Variants in DLGAP1 observed in about 807,000 individuals in gnomAD.
The protein encoded by DLGAP1 is disks large-associated protein 1.
Under a neutral mutation model 90.8 loss-of-function variants are expected in DLGAP1, and 11 were observed. The observed-to-expected ratio is 0.12, with a 90% CI of 0.08 to 0.20. The LOEUF (loss-of-function observed/expected upper bound fraction) is 0.20, where lower values mean the gene tolerates loss of function less well. DLGAP1 is among the 10% of genes least tolerant of loss of function. The probability of loss-of-function intolerance (pLI) is 1.00; values close to 1 mark genes in which losing one functional copy is unlikely to be tolerated. For synonymous variants in DLGAP1, 558 were observed against 540.7 expected (o/e 1.03, Z -0.44); for missense variants, 1,050 against 1,333.8 (o/e 0.79, Z 3.31).
At position 4,089,636 on chromosome 18, in the gene DLGAP1, A is replaced by G. The variant is rs1178374903; in HGVS notation, c.-159+61544T>C. Among the ~76,000 whole-genome samples, 4 of 152,218 alleles carry G rather than the reference A, an allele frequency of 2.6e-5. No homozygotes were observed. In the East Asian group the frequency reaches 5.8e-4, roughly 22 times the overall value. ...CAATGGAACAGAAATAATACCACAC[A>G]TTTACAAACGTCTGATCTTCAACAA... On this transcript the variant is annotated intron_variant, in intron 2 of 12. Transcript: ENST00000315677.
At chr18:3,865,214 TA>T (rs1268038609) in intron 4 of DLGAP1, among the ~76,000 whole-genome samples, 1 of 152,148 alleles carries the variant, frequency 6.6e-6, no homozygotes, top group Admixed American at 6.5e-5. Flanking sequence ...CAAAGAATAT[TA>T]AATGGGCAGA....
intron 1 of DLGAP1, among the ~76,000 whole-genome samples, chr18:4,287,496 T>C (rs913756932): frequency 1.3e-5 from 2 of 152,128 alleles, no homozygotes; most frequent in African/African-American, 2.4e-5. Flanking sequence ...ACATACACCA[T>C]GGAATACTAT....
Position 3,647,537 on chromosome 18 carries a change from C to T in DLGAP1, c.1592-65289G>A, listed in dbSNP as rs371717267. On this transcript the variant is annotated intron_variant, in intron 7 of 12. Coordinates refer to ENST00000315677, the MANE Select transcript of DLGAP1 (RefSeq NM_004746.4). The stretch of plus-strand genomic sequence containing the variant: ...CTGAAGTGTAATGGCACGATCTTGG[C>T]TCACTGCAACCTCCGCTTCTGGGGT... Among the ~76,000 whole-genome samples the T allele has an allele frequency of 2.6e-5, 4 of 151,298 alleles. No homozygotes were observed. The East Asian group carries it at 5.8e-4, about 22-fold the overall frequency.
chr18:3,638,972 A>T (rs973987686), intron 7 of DLGAP1, among the ~76,000 whole-genome samples: 4 of 152,252 alleles, frequency 2.6e-5, no homozygotes, highest in African/African-American at 9.6e-5. Flanking sequence ...ATCTAACCAC[A>T]CTTAGTGATA....
chr18:3,991,425 A>G (rs187324689), intron 3 of DLGAP1, among the ~76,000 whole-genome samples: 8 of 152,320 alleles, frequency 5.3e-5, no homozygotes, highest in African/African-American at 1.9e-4. Context: ...TATGCTAATG[A>G]GGAAGCTTTG....
intron 6 of DLGAP1, among the ~76,000 whole-genome samples, chr18:3,741,559 A>G (rs2063046699): frequency 2.0e-5 from 3 of 150,710 alleles, no homozygotes; most frequent in Non-Finnish European, 4.4e-5. Flanking sequence ...CACCATCACC[A>G]TCACTATCAT....
intron 2 of DLGAP1, among the ~76,000 whole-genome samples, chr18:4,090,260 A>G (rs184352539): frequency 6.6e-6 from 1 of 152,292 alleles, no homozygotes; most frequent in Admixed American, 6.5e-5. Context: ...ACCTAATTAA[A>G]CTAAAGAGCT....
At chr18:3,586,476 A>C (rs1386026687) in intron 7 of DLGAP1, among the ~76,000 whole-genome samples, 1 of 151,948 alleles carries the variant, frequency 6.6e-6, no homozygotes, top group Non-Finnish European at 1.5e-5. Flanking sequence ...AAAGGAATTC[A>C]AATCTTCATG....
intron 2 of DLGAP1, among the ~76,000 whole-genome samples, chr18:4,073,498 C>T (rs1598351983): frequency 6.6e-6 from 1 of 152,272 alleles, no homozygotes; most frequent in East Asian, 1.9e-4. Context: ...AGGGAAGTCA[C>T]CTTCAGGCAG....
rs34791327 is a variant in DLGAP1 at position 4,405,510 on chromosome 18, A to AT, written c.-267+49495dup. ...ACAATGAGCATTTTTTCAAAGTGCCATTTTTTTTCTTTCTCAGCAAGTTTG... is the reference window on the plus strand; with the variant it reads ...ACAATGAGCATTTTTTCAAAGTGCCATTTTTTTTTCTTTCTCAGCAAGTTTG... On this transcript the variant is annotated intron_variant, in intron 1 of 12. Coordinates refer to ENST00000315677, the MANE Select transcript of DLGAP1 (RefSeq NM_004746.4). Among the ~76,000 whole-genome samples, 12 of 152,142 alleles carry AT rather than the reference A, an allele frequency of 7.9e-5. No individual in the cohort carries two copies. In the South Asian group the frequency reaches 2.5e-3, roughly 32 times the overall value.
At chr18:4,453,544 CTTT>C (rs34185448) in intron 1 of DLGAP1, among the ~76,000 whole-genome samples, 1 of 152,074 alleles carries the variant, frequency 6.6e-6, no homozygotes, top group Non-Finnish European at 1.5e-5. Flanking sequence ...AAGGGCTGTT[CTTT>C]TTAGAACAGC....
At chr18:4,075,655 A>G (rs2075512044) in intron 2 of DLGAP1, among the ~76,000 whole-genome samples, 2 of 152,184 alleles carry the variant, frequency 1.3e-5, no homozygotes, top group East Asian at 3.8e-4. Flanking sequence ...GTCTGGCATT[A>G]TTAGGCTAGA....
chr18:4,365,117 A>T (rs1014973055), intron 1 of DLGAP1, among the ~76,000 whole-genome samples: 1 of 152,230 alleles, frequency 6.6e-6, no homozygotes, highest in Admixed American at 6.5e-5. Context: ...AATATTAACA[A>T]TAATATTCCT....
At position 3,742,525 on chromosome 18, in the gene DLGAP1, A is replaced by G. The variant is rs1258847294; in HGVS notation, c.1173-13T>C. 6.2e-7 allele frequency: 1 copy of G among 1,613,644 alleles called. No homozygotes were observed. The highest frequency in any genetic ancestry group is 8.5e-7 in the Non-Finnish European group (1 of 1,179,732). ...TTCATTGGAGATTCTGGAAGGGAAC[A>G]ATGGAAGAGGTGCATTAGTCACATT... On this transcript the variant is annotated splice_polypyrimidine_tract_variant and intron_variant, in intron 5 of 12. Coordinates refer to ENST00000315677, the MANE Select transcript of DLGAP1 (RefSeq NM_004746.4).
intron 1 of DLGAP1, among the ~76,000 whole-genome samples, chr18:4,453,309 A>T (rs963145737): frequency 6.6e-6 from 1 of 152,218 alleles, no homozygotes. Context: ...TTGCATAGAC[A>T]TATTCATTAT....
intron 4 of DLGAP1, among the ~76,000 whole-genome samples, chr18:3,861,996 C>A (rs143361925): frequency 6.6e-6 from 1 of 152,176 alleles, no homozygotes; most frequent in Admixed American, 6.5e-5. Context: ...TGAAGCCAGA[C>A]GTTGACACTT....
chr18:3,989,842 C>G (rs1448110727), intron 3 of DLGAP1, among the ~76,000 whole-genome samples: 3 of 152,136 alleles, frequency 2.0e-5, no homozygotes, highest in African/African-American at 7.2e-5. Context: ...AGACACTTCT[C>G]AAAAGAAGAC....
At chr18:4,178,036 T>C (rs1220363219) in intron 1 of DLGAP1, among the ~76,000 whole-genome samples, 4 of 152,080 alleles carry the variant, frequency 2.6e-5, no homozygotes, top group Non-Finnish European at 4.4e-5. Context: ...TCCATTCAAA[T>C]CCTATTCTTT....
intron 2 of DLGAP1, among the ~76,000 whole-genome samples, chr18:4,041,509 C>G (rs935047722): frequency 1.3e-5 from 2 of 152,124 alleles, no homozygotes; most frequent in Non-Finnish European, 2.9e-5. Context: ...TATAACTGAC[C>G]TATTTCTAAC....
Sources: gnomAD v4.1 joint callset for allele counts (sites outside exome capture counted in the v4.1 genomes callset) on GRCh38, gnomAD v4.1.1 for gene constraint, MANE v1.5 for transcripts, NCBI Gene and HGNC (gene_info 2026-07-23, HGNC 2026-07-21) for gene names.